The following ANKRD28 variants were observed in gnomAD, a reference collection of about 807,000 sequenced individuals.
ANKRD28 encodes the protein ankyrin repeat domain 28.
Under a neutral mutation model 126.5 loss-of-function variants are expected in ANKRD28, and 44 were observed. The observed-to-expected ratio is 0.35, with a 90% CI of 0.27 to 0.45. ANKRD28 has a LOEUF of 0.45. Among genes scored for constraint, ANKRD28 ranks in the 20% least tolerant of loss-of-function variants. The pLI is 1.00. For synonymous variants in ANKRD28, 442 were observed against 468.5 expected (o/e 0.94, Z 0.73); for missense variants, 1,110 against 1,316.6 (o/e 0.84, Z 2.43).
chr3:15,670,692 A>T (rs906702728), intron 27 of ANKRD28, 136 bp from the exon 28 acceptor site: 14 of 920,476 alleles, frequency 1.5e-5, no homozygotes, highest in Non-Finnish European at 2.2e-5. Flanking sequence ...TGTAACCAGC[A>T]TGATTCGCAA....
chr3:15,795,840 C>G (rs2060252430), intron 1 of ANKRD28, among the ~76,000 whole-genome samples: 1 of 152,076 alleles, frequency 6.6e-6, no homozygotes, highest in African/African-American at 2.4e-5. Flanking sequence ...ACTTAAATAA[C>G]TTGAAAAGAC....
intron 2 of ANKRD28, among the ~76,000 whole-genome samples, chr3:15,776,095 T>G (rs546937349): frequency 6.6e-6 from 1 of 152,184 alleles, no homozygotes; most frequent in African/African-American, 2.4e-5. Flanking sequence ...AGAAGCTGTA[T>G]GCTAGGAAAC....
At chr3:15,744,238 T>C (rs1251806474) in intron 4 of ANKRD28, among the ~76,000 whole-genome samples, 1 of 152,226 alleles carries the variant, frequency 6.6e-6, no homozygotes, top group African/African-American at 2.4e-5. Context: ...CTTTTTGGAA[T>C]GGCCACATTT....
chr3:15,850,224 T>TATATATATATATATATAG (rs1418223588), intron 1 of ANKRD28, among the ~76,000 whole-genome samples: 22 of 35,098 alleles, frequency 6.3e-4, no homozygotes, highest in Non-Finnish European at 1.1e-3. Flanking sequence ...TATATATATA[T>TATATATATATATATATAG]AGAGAGAGAG....
intron 1 of ANKRD28, among the ~76,000 whole-genome samples, chr3:15,831,353 G>A (rs1192575307): frequency 6.6e-6 from 1 of 152,146 alleles, no homozygotes; most frequent in Non-Finnish European, 1.5e-5. Context: ...AAATTGCACT[G>A]CCAAACTCCA....
At chr3:15,757,092 T>C (rs1274700842) in intron 3 of ANKRD28, among the ~76,000 whole-genome samples, 1 of 152,218 alleles carries the variant, frequency 6.6e-6, no homozygotes, top group Non-Finnish European at 1.5e-5. Context: ...ATGATCTGCG[T>C]CCATTCAATA....
intron 1 of ANKRD28, among the ~76,000 whole-genome samples, chr3:15,852,074 T>C (rs1056863303): frequency 6.6e-6 from 1 of 152,226 alleles, no homozygotes; most frequent in Non-Finnish European, 1.5e-5. Context: ...CGGGGGTTGA[T>C]AGTTTAGGGG....
chr3:15,795,368 T>C, intron 1 of ANKRD28, 62 bp from the exon 2 acceptor site: 1 of 1,153,362 alleles, frequency 8.7e-7, no homozygotes, highest in African/African-American at 1.5e-5. Flanking sequence ...TAAGGATATT[T>C]TACATAGTTC....
rs771115947 is a variant in ANKRD28 at position 15,702,386 on chromosome 3, T to C, written c.1547+5538A>G. Among the ~76,000 whole-genome samples the C allele has an allele frequency of 2.0e-4, 30 of 152,314 alleles. 1 individual carries two copies. Among genetic ancestry groups the C allele is most frequent in the South Asian group, 1.2e-3 (6 of 4,822 alleles). On this transcript the variant is annotated intron_variant, in intron 14 of 27. Coordinates refer to ENST00000683139, the MANE Select transcript of ANKRD28 (RefSeq NM_001349278.2). ...AAGAGTCTGTATACTCTTTTTTCTGTTTGCACATTAACACATGTTCATTTT... is the reference window on the plus strand; with the variant it reads ...AAGAGTCTGTATACTCTTTTTTCTGCTTGCACATTAACACATGTTCATTTT...
intron 1 of ANKRD28, among the ~76,000 whole-genome samples, chr3:15,856,998 C>A (rs921030514): frequency 3.9e-5 from 6 of 152,202 alleles, no homozygotes; most frequent in African/African-American, 1.4e-4. Flanking sequence ...ATGTCCTTAC[C>A]CGTATCTTCT....
At chr3:15,674,196 A>AAAAAAAGAAG (rs1470515364) in intron 27 of ANKRD28, among the ~76,000 whole-genome samples, 25 of 130,158 alleles carry the variant, frequency 1.9e-4, no homozygotes, top group African/African-American at 7.8e-4. Context: ...AAAAAAAAAA[A>AAAAAAAGAAG]AAGAAGAAGA....
At chr3:15,729,644 T>C (rs1327585926) in intron 6 of ANKRD28, among the ~76,000 whole-genome samples, 2 of 152,080 alleles carry the variant, frequency 1.3e-5, no homozygotes, top group African/African-American at 2.4e-5. Flanking sequence ...CCTTCATAGA[T>C]AATGAGTCTA....
chr3:15,840,380 T>C (rs1414100989), intron 1 of ANKRD28, among the ~76,000 whole-genome samples: 2 of 151,876 alleles, frequency 1.3e-5, no homozygotes, highest in East Asian at 1.9e-4. Flanking sequence ...TGCAAAAAAA[T>C]TGATGAAGAC....
At chr3:15,743,375 C>CAA (rs749792427) in intron 4 of ANKRD28, among the ~76,000 whole-genome samples, 1 of 147,880 alleles carries the variant, frequency 6.8e-6, no homozygotes, top group African/African-American at 2.6e-5. Flanking sequence ...AACAAACAAA[C>CAA]AAAAAAAAAC....
chr3:15,824,258 G>A (rs1270761156), intron 1 of ANKRD28, among the ~76,000 whole-genome samples: 2 of 152,286 alleles, frequency 1.3e-5, no homozygotes, highest in South Asian at 4.1e-4. Flanking sequence ...GGGCTCAAGC[G>A]ATCCTCCCAC....
intron 1 of ANKRD28, among the ~76,000 whole-genome samples, chr3:15,855,195 GT>G (rs1279804574): frequency 6.6e-6 from 1 of 152,062 alleles, no homozygotes; most frequent in African/African-American, 2.4e-5. Context: ...CATTTTTTGT[GT>G]GTGTTTTTTC....
intron 14 of ANKRD28, among the ~76,000 whole-genome samples, chr3:15,706,202 C>T (rs1187740272): frequency 2.6e-5 from 4 of 151,960 alleles, no homozygotes; most frequent in African/African-American, 9.7e-5. Context: ...TAACTCGTCA[C>T]TTACATTAGG....
rs1001045672 is a variant in ANKRD28 at position 15,854,184 on chromosome 3, G to A, written c.27+5193C>T. ...TATTTTAAGGAGGCCCAGCTCAAAC[G>A]TCCCATCACTTACCAATGAAGTCCA... On this transcript the variant is annotated intron_variant, in intron 1 of 27. Coordinates refer to the ANKRD28 transcript ENST00000399451. The surrounding 1 kb of genome is among the most constrained non-coding windows in gnomAD (Gnocchi z 4.1). Among the ~76,000 whole-genome samples the A allele has an allele frequency of 1.3e-5, 2 of 152,142 alleles. No homozygotes were observed. The highest frequency in any genetic ancestry group is 4.8e-5 in the African/African-American group (2 of 41,426).
intron 1 of ANKRD28, among the ~76,000 whole-genome samples, chr3:15,831,115 TG>T (rs112661132): frequency 4.6e-5 from 7 of 152,326 alleles, no homozygotes; most frequent in African/African-American, 1.7e-4. Flanking sequence ...CGTATTCTTT[TG>T]ATGTAATAAA....
Sources: gnomAD v4.1 joint callset for allele counts (sites outside exome capture counted in the v4.1 genomes callset) on GRCh38, gnomAD v4.1.1 for gene constraint, Gnocchi (gnomAD v3.1) non-coding constraint, MANE v1.5 for transcripts, NCBI Gene and HGNC (gene_info 2026-07-23, HGNC 2026-07-21) for gene names.